Variants in RIC1 observed in about 807,000 individuals in gnomAD.
RIC1 encodes guanine nucleotide exchange factor subunit RIC1.
In RIC1, 88 loss-of-function variants were observed where a neutral mutation model predicts 169.0. The observed-to-expected ratio is 0.52, with a 90% confidence interval of 0.44 to 0.62. The LOEUF (loss-of-function observed/expected upper bound fraction) is 0.62, where lower values mean the gene tolerates loss of function less well. RIC1 is among the 20% of genes least tolerant of loss of function. The pLI, the probability that RIC1 is intolerant of heterozygous loss-of-function variation, is 0.00. For synonymous variants in RIC1, 790 were observed against 601.5 expected, an observed-to-expected ratio of 1.31 and a Z score of -4.59; for missense variants, 1,877 against 1,725.5, an observed-to-expected ratio of 1.09 and a Z score of -1.56.
intron 1 of RIC1, among the ~76,000 whole-genome samples, chr9:5,650,514 A>C (rs1563868943): frequency 6.6e-6 from 1 of 151,636 alleles, no homozygotes; most frequent in Non-Finnish European, 1.5e-5. Context: ...ACTAGAGGGG[A>C]TAGGGTTGGT....
At chr9:5,637,279 C>T (rs552810474) in intron 1 of RIC1, among the ~76,000 whole-genome samples, 19 of 151,936 alleles carry the variant, frequency 1.3e-4, no homozygotes, top group South Asian at 4.2e-4. Flanking sequence ...ATGTTGCCCA[C>T]GCTGGTCTTG....
chr9:5,699,087 T>G (rs1454284682), intron 3 of RIC1, among the ~76,000 whole-genome samples: 2 of 152,224 alleles, frequency 1.3e-5, no homozygotes, highest in African/African-American at 4.8e-5. Context: ...ATTCCAAGTA[T>G]TAACAAAGAT....
At chr9:5,769,544 C>G (rs1289015597) in intron 22 of RIC1, 1 of 1,055,564 alleles carries the variant, frequency 9.5e-7, no homozygotes, top group Admixed American at 3.1e-5. Context: ...AGCTACCATG[C>G]TTATGTTATT....
chr9:5,631,477 A>G (rs868200960), intron 1 of RIC1, among the ~76,000 whole-genome samples: 1 of 151,994 alleles, frequency 6.6e-6, no homozygotes, highest in South Asian at 2.1e-4. Context: ...CACGAGGTCA[A>G]GAGATCGAGA....
At chr9:5,629,519 A>T in intron 1 of RIC1, 66 bp downstream of exon 1, 2 of 1,471,520 alleles carry the variant, frequency 1.4e-6, no homozygotes, top group East Asian at 5.5e-5. Flanking sequence ...TCCCACCCCC[A>T]ACTTCCACCC....
intron 6 of RIC1, among the ~76,000 whole-genome samples, chr9:5,722,861 C>G (rs199788864): frequency 6.6e-6 from 1 of 152,146 alleles, no homozygotes; most frequent in Non-Finnish European, 1.5e-5. Flanking sequence ...TCCAACTTCA[C>G]CCATGTGCCT....
chr9:5,680,302 CT>C (rs1820737662), intron 2 of RIC1, among the ~76,000 whole-genome samples: 1 of 152,116 alleles, frequency 6.6e-6, no homozygotes, highest in Non-Finnish European at 1.5e-5. Context: ...CTAAAATTTT[CT>C]TTTTTTGTTG....
At chr9:5,777,838 T>G (rs1827671604), downstream of RIC1, among the ~76,000 whole-genome samples, 1 of 152,190 alleles carries the variant, frequency 6.6e-6, no homozygotes. Flanking sequence ...TAATATCTTC[T>G]TATGCCAATA....
chr9:5,720,391 T>G, intron 5 of RIC1, 67 bp downstream of exon 5: 2 of 1,465,308 alleles, frequency 1.4e-6, no homozygotes, highest in South Asian at 1.3e-5. Flanking sequence ...AGGTATCTTC[T>G]ATGGATGAAC....
downstream of RIC1, among the ~76,000 whole-genome samples, chr9:5,777,768 A>G (rs992003772): frequency 3.3e-5 from 5 of 152,164 alleles, no homozygotes; most frequent in Admixed American, 1.3e-4. Flanking sequence ...CCCATTGTCA[A>G]AAATCAACTA....
intron 1 of RIC1, among the ~76,000 whole-genome samples, chr9:5,643,756 C>A (rs940868498): frequency 6.6e-6 from 1 of 152,036 alleles, no homozygotes; most frequent in African/African-American, 2.4e-5. Flanking sequence ...AAGTGTTCCA[C>A]CTGTATTAGT....
intron 6 of RIC1, among the ~76,000 whole-genome samples, chr9:5,730,065 G>T (rs1824267279): frequency 6.6e-6 from 1 of 152,022 alleles, no homozygotes; most frequent in African/African-American, 2.4e-5. Context: ...AAGCAGATGG[G>T]CATTACTAAA....
intron 6 of RIC1, among the ~76,000 whole-genome samples, chr9:5,727,418 T>C (rs113863756): frequency 0.013 from 1,945 of 152,352 alleles, 59 homozygotes; most frequent in African/African-American, 0.045. Context: ...CTACGCTGTT[T>C]ATTCTAGTTA....
chr9:5,710,000 C>T (rs552222085), intron 3 of RIC1, among the ~76,000 whole-genome samples: 1 of 152,210 alleles, frequency 6.6e-6, no homozygotes, highest in South Asian at 2.1e-4. Context: ...TAATCACCAA[C>T]AGAAAAAAAG....
chr9:5,726,018 A>G, intron 6 of RIC1, among the ~76,000 whole-genome samples: 1 of 152,164 alleles, frequency 6.6e-6, no homozygotes, highest in Admixed American at 6.5e-5. Flanking sequence ...GCTGAGAAGA[A>G]TGTATATTCT....
intron 1 of RIC1, among the ~76,000 whole-genome samples, chr9:5,643,687 G>A (rs1008123351): frequency 1.3e-5 from 2 of 152,098 alleles, no homozygotes; most frequent in Admixed American, 6.5e-5. Context: ...TTTTTCCTAT[G>A]TGATTGTTTA....
intron 3 of RIC1, among the ~76,000 whole-genome samples, chr9:5,698,951 C>CA (rs944172782): frequency 4.6e-5 from 7 of 151,986 alleles, no homozygotes; most frequent in African/African-American, 1.7e-4. Context: ...AAGAGGTTGC[C>CA]AAAAAATACA....
chr9:5,704,911 A>G (rs564765452), intron 3 of RIC1, among the ~76,000 whole-genome samples: 1 of 152,314 alleles, frequency 6.6e-6, no homozygotes, highest in African/African-American at 2.4e-5. Context: ...GTCTTAGTAC[A>G]GAGAATGTTG....
intron 1 of RIC1, among the ~76,000 whole-genome samples, chr9:5,644,124 A>AT (rs1410451235): frequency 6.6e-6 from 1 of 152,206 alleles, no homozygotes. Flanking sequence ...GTGTACATTG[A>AT]TTTTTAGTAA....
Sources: gnomAD v4.1 joint callset for allele counts (sites outside exome capture counted in the v4.1 genomes callset) on GRCh38, gnomAD v4.1.1 for gene constraint, MANE v1.5 for transcripts, NCBI Gene and HGNC (gene_info 2026-07-23, HGNC 2026-07-21) for gene names.